PARPBP: variants seen among roughly 807,000 people sequenced by gnomAD.
The protein encoded by PARPBP is PCNA-interacting partner.
A neutral mutation model predicts 50.0 loss-of-function variants in PARPBP; 52 were observed. That is an observed-to-expected ratio of 1.04 (90% CI 0.83 to 1.31). The LOEUF is 1.31. PARPBP is among the 50% of genes most tolerant of loss of function. The pLI, the probability that PARPBP is intolerant of heterozygous loss-of-function variation, is 0.00. For synonymous variants in PARPBP, 244 were observed against 232.1 expected, an observed-to-expected ratio of 1.05 and a Z score of -0.47; for missense variants, 697 against 672.0, an observed-to-expected ratio of 1.04 and a Z score of -0.41.
At position 102,195,944 on chromosome 12, in the gene PARPBP, A is replaced by G. The variant is rs375611339; in HGVS notation, c.1400-7A>G. 316 of 1,542,916 alleles carry G rather than the reference A, an allele frequency of 2.0e-4. 2 individuals are homozygous for G. In the East Asian group the frequency reaches 5.7e-3, roughly 28 times the overall value. On this transcript the variant is annotated splice_polypyrimidine_tract_variant and splice_region_variant and intron_variant, in intron 10 of 10. Coordinates refer to ENST00000327680, the MANE Select transcript of PARPBP (RefSeq NM_017915.5). ...AATTCCTTTCCCCTTTTTATCTTGC[A>G]TAACAGAGGGTGTAAATCCATCTGT... is the stretch of plus-strand genomic sequence containing the variant.
chr12:102,168,850 A>G (rs889272973), intron 6 of PARPBP, among the ~76,000 whole-genome samples: 3 of 152,326 alleles, frequency 2.0e-5, no homozygotes, highest in South Asian at 2.1e-4. Context: ...GCCACATTCT[A>G]TAAGCTTATA....
chr12:102,151,166 G>T (rs150002434), intron 3 of PARPBP, among the ~76,000 whole-genome samples: 2 of 152,248 alleles, frequency 1.3e-5, no homozygotes, highest in African/African-American at 4.8e-5. Flanking sequence ...ACAGCAACTT[G>T]AATACGTATA....
At chr12:102,174,462 G>T (rs1889059160) in intron 6 of PARPBP, among the ~76,000 whole-genome samples, 1 of 152,166 alleles carries the variant, frequency 6.6e-6, no homozygotes, top group South Asian at 2.1e-4. Context: ...TGGCAATAAG[G>T]CGAGAGTGAA....
intron 9 of PARPBP, among the ~76,000 whole-genome samples, chr12:102,183,198 GA>G (rs1890001977): frequency 6.6e-6 from 1 of 152,074 alleles, no homozygotes; most frequent in Non-Finnish European, 1.5e-5. Context: ...TTTTCAAAAA[GA>G]AATTTGGCTT....
intron 2 of PARPBP, among the ~76,000 whole-genome samples, chr12:102,147,858 A>G (rs1689011762): frequency 6.6e-6 from 1 of 152,148 alleles, no homozygotes; most frequent in Non-Finnish European, 1.5e-5. Flanking sequence ...AACGAAAAGG[A>G]ACTAAAAAGA....
At chr12:102,173,549 AAAC>A (rs1888960369) in intron 6 of PARPBP, among the ~76,000 whole-genome samples, 2 of 152,346 alleles carry the variant, frequency 1.3e-5, no homozygotes, top group Non-Finnish European at 2.9e-5. Flanking sequence ...CAAGGCCAAT[AAAC>A]AAAATGCAAT....
At chr12:102,154,814 T>G (rs1367637034) in intron 4 of PARPBP, 1 of 454,526 alleles carries the variant, frequency 2.2e-6, no homozygotes, top group Non-Finnish European at 4.4e-6. Flanking sequence ...TAACTAAATC[T>G]TTCCCCTTCC....
chr12:102,126,359 CTT>C (rs1881994634), intron 2 of PARPBP, among the ~76,000 whole-genome samples: 1 of 152,134 alleles, frequency 6.6e-6, no homozygotes, highest in African/African-American at 2.4e-5. Flanking sequence ...TGTAGTTTCT[CTT>C]TTATAGACTA....
At chr12:102,141,463 T>C (rs1029360578) in intron 2 of PARPBP, among the ~76,000 whole-genome samples, 3 of 152,230 alleles carry the variant, frequency 2.0e-5, no homozygotes, top group Non-Finnish European at 2.9e-5. Context: ...TGTCTTTTAA[T>C]TGGAGCATTT....
chr12:102,120,544 C>G, intron 1 of PARPBP: 1 of 455,552 alleles, frequency 2.2e-6, no homozygotes, highest in South Asian at 1.6e-5. Flanking sequence ...TAGAGGCCTG[C>G]TTAACTTCCA....
At chr12:102,162,800 A>G (rs914253905) in intron 4 of PARPBP, among the ~76,000 whole-genome samples, 1 of 152,098 alleles carries the variant, frequency 6.6e-6, no homozygotes, top group African/African-American at 2.4e-5. Context: ...CCAGCCTAAC[A>G]GCAAGACCCT....
At chr12:102,153,822 T>C (rs1035463578) in intron 3 of PARPBP, 47 bp from the exon 4 acceptor site, 2 of 996,510 alleles carry the variant, frequency 2.0e-6, no homozygotes, top group African/African-American at 3.2e-5. Flanking sequence ...AAGTATTTTT[T>C]ATAGTCAGCA....
intron 9 of PARPBP, among the ~76,000 whole-genome samples, chr12:102,193,399 G>A (rs990135734): frequency 4.0e-5 from 6 of 151,844 alleles, no homozygotes; most frequent in African/African-American, 1.2e-4. Flanking sequence ...GTTTTGCAGT[G>A]AGAAGCTAAC....
intron 6 of PARPBP, among the ~76,000 whole-genome samples, chr12:102,172,437 T>TA (rs1888851335): frequency 6.6e-6 from 1 of 152,206 alleles, no homozygotes; most frequent in Non-Finnish European, 1.5e-5. Context: ...TCATTTTAGT[T>TA]AAAACTTCTG....
At chr12:102,141,850 G>T (rs1218481995) in intron 2 of PARPBP, among the ~76,000 whole-genome samples, 1 of 152,194 alleles carries the variant, frequency 6.6e-6, no homozygotes, top group African/African-American at 2.4e-5. Flanking sequence ...TCTGCCGAGA[G>T]ATCTGCTGTT....
intron 2 of PARPBP, among the ~76,000 whole-genome samples, chr12:102,131,849 G>T (rs2137448781): frequency 6.6e-6 from 1 of 152,320 alleles, no homozygotes; most frequent in African/African-American, 2.4e-5. Context: ...TGACGGGTGG[G>T]AGGAGGGAGA....
intron 6 of PARPBP, among the ~76,000 whole-genome samples, chr12:102,168,594 A>G (rs1487703763): frequency 6.6e-6 from 1 of 152,226 alleles, no homozygotes; most frequent in African/African-American, 2.4e-5. Flanking sequence ...TATGCATATC[A>G]TAATAGATAT....
rs958022921 is a variant in PARPBP at position 102,146,208 on chromosome 12, A to G, written c.154-2022A>G. On this transcript the variant is annotated intron_variant, in intron 2 of 10. Transcript: ENST00000327680. ...AATGGCTTTCTTCACAGAATTGGAA[A>G]AAAATTACTTTAAAGTTCATATGGA... is the stretch of plus-strand genomic sequence containing the variant. 8.5e-5 allele frequency among the ~76,000 whole-genome samples: 13 copies of G among 152,326 alleles called. 1 individual carries two copies. Among genetic ancestry groups the G allele is most frequent in the Admixed American group, 1.3e-4 (2 of 15,302 alleles).
chr12:102,180,037 G>A (rs2029867588), intron 8 of PARPBP, among the ~76,000 whole-genome samples: 2 of 152,046 alleles, frequency 1.3e-5, no homozygotes, highest in Admixed American at 1.3e-4. Context: ...ACAGTGGTCT[G>A]TCATTCAGTG....
Sources: gnomAD v4.1 joint callset for allele counts (sites outside exome capture counted in the v4.1 genomes callset) on GRCh38, gnomAD v4.1.1 for gene constraint, MANE v1.5 for transcripts, NCBI Gene and HGNC (gene_info 2026-07-23, HGNC 2026-07-21) for gene names.